Variants in SYNE1 observed in about 807,000 individuals in gnomAD.
SYNE1 encodes the protein spectrin repeat containing nuclear envelope protein 1, also known as nesprin-1.
Under a neutral mutation model 1,111.0 loss-of-function variants are expected in SYNE1, and 616 were observed. The ratio of observed to expected loss-of-function variants is 0.55; its 90% CI spans 0.52 to 0.59. The LOEUF (loss-of-function observed/expected upper bound fraction) is 0.59. SYNE1 is among the 20% of genes least tolerant of loss of function. SYNE1 has a pLI of 0.00. For missense variants in SYNE1, 10,006 were observed against 10,417.0 expected, an observed-to-expected ratio of 0.96 and a Z score of 1.72; for synonymous variants, 3,855 against 3,825.8, an observed-to-expected ratio of 1.01 and a Z score of -0.28.
Position 152,484,892 on chromosome 6 carries a change from A to G in SYNE1, c.1128T>C (p.Gly376=). ...EHLIQPLHRD[G]KLSLDQALVK... ...CCAATGCTTGGTCAAGTGACAATTT[A>G]CCGTCTCTGTGTAATGGTTGTATTA... The change falls in exon 13 of 146, where the codon GGT becomes GGC. Residue 376 remains glycine, a synonymous_variant. Coordinates refer to ENST00000367255, the MANE Select transcript of SYNE1 (RefSeq NM_182961.4). 1 of 1,613,918 alleles carries G rather than the reference A, an allele frequency of 6.2e-7. No homozygotes were observed.
At chr6:152,365,785 T>C (rs1226713758) in intron 62 of SYNE1, among the ~76,000 whole-genome samples, 1 of 152,178 alleles carries the variant, frequency 6.6e-6, no homozygotes, top group African/African-American at 2.4e-5. Context: ...TTCCAAGTTA[T>C]AAAACTGATA....
intron 95 of SYNE1, among the ~76,000 whole-genome samples, chr6:152,288,663 T>C (rs541559326): frequency 6.6e-6 from 1 of 152,234 alleles, no homozygotes; most frequent in African/African-American, 2.4e-5. Flanking sequence ...TCTTCTGCCT[T>C]AGCCTCTCAA....
chr6:152,161,959 C>T (rs1442387367), intron 131 of SYNE1, among the ~76,000 whole-genome samples: 2 of 152,196 alleles, frequency 1.3e-5, no homozygotes, highest in African/African-American at 4.8e-5. Flanking sequence ...GAGCCAGTCA[C>T]ATCATCTCCC....
intron 91 of SYNE1, among the ~76,000 whole-genome samples, chr6:152,307,903 G>A (rs915673901): frequency 6.6e-6 from 1 of 152,138 alleles, no homozygotes; most frequent in Admixed American, 6.5e-5. Flanking sequence ...CGCGATCTTG[G>A]CTCACTGCAA....
chr6:152,367,589 A>AT, intron 61 of SYNE1: 1 of 606,564 alleles, frequency 1.6e-6, no homozygotes, highest in South Asian at 1.9e-5. Flanking sequence ...CAAAAAAAAA[A>AT]GTTACAATTT....
chr6:152,319,610 TCA>T (rs1035015680), intron 84 of SYNE1, among the ~76,000 whole-genome samples: 17 of 152,234 alleles, frequency 1.1e-4, no homozygotes, highest in African/African-American at 3.1e-4. Context: ...TAACAAACAT[TCA>T]CACTGTTGCT....
intron 6 of SYNE1, among the ~76,000 whole-genome samples, chr6:152,520,167 C>T (rs1323176253): frequency 1.3e-5 from 2 of 152,072 alleles, no homozygotes; most frequent in African/African-American, 4.8e-5. Context: ...GGACTAATGT[C>T]TATGTTTTAG....
chr6:152,543,524 T>C (rs2128045968), intron 3 of SYNE1, among the ~76,000 whole-genome samples: 1 of 152,322 alleles, frequency 6.6e-6, no homozygotes, highest in East Asian at 1.9e-4. Context: ...CGAATGTCTA[T>C]CAACTTGTGT....
chr6:152,232,667 AG>A (rs2083043334), intron 112 of SYNE1, among the ~76,000 whole-genome samples: 1 of 152,236 alleles, frequency 6.6e-6, no homozygotes, highest in Admixed American at 6.5e-5. Context: ...AAAAGAAGAA[AG>A]AAAAATACCA....
At position 152,368,991 on chromosome 6, in the gene SYNE1, G is replaced by T. The variant is rs780460827; in HGVS notation, c.9788C>A (p.Ala3263Glu). The change falls in exon 61 of 146, where the codon GCG becomes GAG. Residue 3263 changes from alanine to glutamate, a missense_variant. Ala to Glu is a moderately radical substitution (Grantham distance 107, BLOSUM62 -1). Around this residue, in one of 7 missense-constraint regions of SYNE1, gnomAD observed 4,955 missense variants for 5,017.2 expected, o/e 0.99. Coordinates refer to ENST00000367255, the MANE Select transcript of SYNE1 (RefSeq NM_182961.4). ...CGTTACCTTTGTTAAATTGCTTAGCGCTAGATACTGAGAAGACAGCTGCGA... is the reference window on the plus strand; with the variant it reads ...CGTTACCTTTGTTAAATTGCTTAGCTCTAGATACTGAGAAGACAGCTGCGA... ...RVSQLSSQYL[A>E]LSNLTKEKVS... is the part of the protein sequence containing the mutation. 3.7e-6 allele frequency: 6 copies of T among 1,614,020 alleles called. No individual in the cohort carries two copies. Among genetic ancestry groups the T allele is most frequent in the Non-Finnish European group, 4.2e-6 (5 of 1,180,034 alleles).
At chr6:152,371,900 A>AGGACAGGAC (rs1563461370) in intron 59 of SYNE1, among the ~76,000 whole-genome samples, 47 of 90,324 alleles carry the variant, frequency 5.2e-4, no homozygotes, top group African/African-American at 2.0e-3. Context: ...AAGGAAAGGA[A>AGGACAGGAC]AGGAAAGGAA....
intron 96 of SYNE1, among the ~76,000 whole-genome samples, chr6:152,283,146 A>C (rs1365840292): frequency 6.6e-6 from 1 of 152,186 alleles, no homozygotes; most frequent in Non-Finnish European, 1.5e-5. Context: ...AACAAATAAA[A>C]AAGGAAGATA....
At chr6:152,301,838 G>A in intron 92 of SYNE1, 31 bp downstream of exon 92, 2 of 1,583,730 alleles carry the variant, frequency 1.3e-6, no homozygotes, top group Non-Finnish European at 1.7e-6. Flanking sequence ...CAGTCAAAGA[G>A]CAAAGCCGCG....
chr6:152,482,027 T>C (rs2098906135), intron 14 of SYNE1, among the ~76,000 whole-genome samples: 1 of 152,146 alleles, frequency 6.6e-6, no homozygotes, highest in South Asian at 2.1e-4. Flanking sequence ...TAAAAGTGTC[T>C]AAAGGCACTG....
In SYNE1 at chr6:152,416,601, T is replaced by C. The variant is rs1442434744; in HGVS notation, c.5836A>G (p.Thr1946Ala). The change falls in exon 41 of 146, where the codon ACT (threonine) becomes GCT (alanine). Residue 1946 changes from threonine (T) to alanine (A), a missense_variant. By Grantham distance (58) the Thr-to-Ala change is moderately conservative (BLOSUM62 0). Transcript: ENST00000367255. ...HLKIGSSEQR[T>A]SCRATADQLC... ...TGATCAGCCGTGGCTCTGCAGGAAG[T>C]CCTTTGCTCAGAGCTCCCGATTTTC... is the stretch of plus-strand genomic sequence containing the variant. The C allele has an allele frequency of 6.2e-7, 1 of 1,614,132 alleles. No individual in the cohort carries two copies.
chr6:152,589,342 C>T (rs1235148448), intron 3 of SYNE1, among the ~76,000 whole-genome samples: 1 of 152,044 alleles, frequency 6.6e-6, no homozygotes, highest in Non-Finnish European at 1.5e-5. Context: ...TCTCAGAAAA[C>T]CATTTTCTAC....
At position 152,468,352 on chromosome 6, in the gene SYNE1, G is replaced by T. The variant is rs772029316; in HGVS notation, c.1633-2274C>A. On this transcript the variant is annotated intron_variant, in intron 16 of 145. Coordinates refer to ENST00000367255, the MANE Select transcript of SYNE1 (RefSeq NM_182961.4). ...GCATTCACACAGTCCACAATTTCAA[G>T]AGCTGTTTTTTTTTCTTTCATGTGA... 3.7e-4 allele frequency among the ~76,000 whole-genome samples: 56 copies of T among 152,034 alleles called. 1 individual carries two copies. The highest frequency in any genetic ancestry group is 1.2e-4 in the Non-Finnish European group (8 of 67,998).
intron 127 of SYNE1, among the ~76,000 whole-genome samples, chr6:152,199,889 C>T (rs529739347): frequency 9.2e-5 from 14 of 152,184 alleles, no homozygotes; most frequent in Non-Finnish European, 1.5e-4. Context: ...TCAATAGCAG[C>T]GTGTGTTTGT....
At position 152,350,294 on chromosome 6, in the gene SYNE1, T is replaced by C. The variant is rs2096718572; in HGVS notation, c.11775A>G (p.Glu3925=). 1 of 1,614,044 alleles carries C rather than the reference T, an allele frequency of 6.2e-7. No individual in the cohort carries two copies. The highest frequency in any genetic ancestry group is 1.1e-5 in the South Asian group (1 of 91,086). The change falls in exon 72 of 146, where the codon GAA becomes GAG. Residue 3925 remains glutamate, a synonymous_variant. Coordinates refer to ENST00000367255, the MANE Select transcript of SYNE1 (RefSeq NM_182961.4). ...FSLEAKVKDH[E]DYNSELQEVE... ...CCTCTTGGAGCTCACTGTTGTAGTC[T>C]TCATGGTCTTTGACTTTCGCCTCCA...
Sources: gnomAD v4.1 joint callset for allele counts (sites outside exome capture counted in the v4.1 genomes callset) on GRCh38, gnomAD v4.1.1 for gene constraint, gnomAD v4.1.1 regional missense constraint, MANE v1.5 for transcripts, NCBI Gene and HGNC (gene_info 2026-07-23, HGNC 2026-07-21) for gene names.